HPGDS: variants seen among roughly 807,000 people sequenced by gnomAD.
The protein encoded by HPGDS is hematopoietic prostaglandin D synthase, also known as GST class-sigma.
In HPGDS, 26 loss-of-function variants were observed where a neutral mutation model predicts 23.1. The ratio of observed to expected loss-of-function variants is 1.13; its 90% CI spans 0.83 to 1.56. The LOEUF (loss-of-function observed/expected upper bound fraction) is 1.56, where lower values mean the gene tolerates loss of function less well. HPGDS is among the 40% of genes most tolerant of loss of function. HPGDS has a pLI of 0.00. For missense variants in HPGDS, 268 were observed against 236.4 expected, an observed-to-expected ratio of 1.13 and a Z score of -0.88; for synonymous variants, 95 against 77.9, an observed-to-expected ratio of 1.22 and a Z score of -1.16.
At position 94,298,568 on chromosome 4, in the gene HPGDS, A is replaced by AC. The variant is rs1406419313; in HGVS notation, c.*911_*912insG. On this transcript the variant is annotated 3_prime_UTR_variant, in exon 6 of 6. Coordinates refer to ENST00000295256, the MANE Select transcript of HPGDS (RefSeq NM_014485.3). ...GTGGGCTGAGTCCGAAAAGAGAGTCAGCCGAGTTTTATGAGTTCTATATAA... is the reference window on the plus strand; with the variant it reads ...GTGGGCTGAGTCCGAAAAGAGAGTCACGCCGAGTTTTATGAGTTCTATATAA... The AC allele has an allele frequency of 2.6e-5, 4 of 152,250 alleles. No homozygotes were observed. Among genetic ancestry groups the AC allele is most frequent in the African/African-American group, 9.6e-5 (4 of 41,466 alleles). The allele number at this position is 152,250 out of a possible 1,614,324, so 9.4% of individuals were successfully genotyped here.
At chr4:94,303,260 A>G (rs1024046159) in intron 4 of HPGDS, among the ~76,000 whole-genome samples, 1 of 152,148 alleles carries the variant, frequency 6.6e-6, no homozygotes, top group Admixed American at 6.5e-5. Flanking sequence ...TCCCTAGTCC[A>G]AAAATCCAAA....
intron 3 of HPGDS, among the ~76,000 whole-genome samples, chr4:94,310,567 G>T: frequency 6.6e-6 from 1 of 152,250 alleles, no homozygotes; most frequent in East Asian, 1.9e-4. Flanking sequence ...GTCGGGTAGC[G>T]TGATGCTTCC....
chr4:94,305,389 A>G (rs375060790), intron 4 of HPGDS, among the ~76,000 whole-genome samples: 1 of 152,036 alleles, frequency 6.6e-6, no homozygotes, highest in Non-Finnish European at 1.5e-5. Flanking sequence ...GGCAGACCCT[A>G]CACACCTTAC....
intron 1 of HPGDS, among the ~76,000 whole-genome samples, chr4:94,336,995 C>T (rs1168966129): frequency 6.6e-6 from 1 of 152,132 alleles, no homozygotes; most frequent in Non-Finnish European, 1.5e-5. Context: ...AGCACAGTCT[C>T]ACTCTGTCCC....
chr4:94,339,745 CA>C (rs1195713110), intron 1 of HPGDS, among the ~76,000 whole-genome samples: 1 of 151,904 alleles, frequency 6.6e-6, no homozygotes, highest in African/African-American at 2.4e-5. Flanking sequence ...GCTATATCCC[CA>C]CCAGAATCTC....
chr4:94,320,512 G>C (rs926922375), intron 2 of HPGDS, among the ~76,000 whole-genome samples: 1 of 152,190 alleles, frequency 6.6e-6, no homozygotes, highest in African/African-American at 2.4e-5. Flanking sequence ...GTGATGACCA[G>C]TGATGACGAG....
At chr4:94,307,075 T>C (rs528141319) in intron 4 of HPGDS, among the ~76,000 whole-genome samples, 1 of 152,150 alleles carries the variant, frequency 6.6e-6, no homozygotes, top group East Asian at 1.9e-4. Context: ...AGGTCAGTAA[T>C]TACATTGAAT....
At chr4:94,316,392 G>A (rs189961658) in intron 3 of HPGDS, among the ~76,000 whole-genome samples, 4 of 152,054 alleles carry the variant, frequency 2.6e-5, no homozygotes, top group Admixed American at 1.3e-4. Context: ...CAAATTTTTC[G>A]TATTTTTCTT....
chr4:94,304,867 A>T (rs1323378849), intron 4 of HPGDS, among the ~76,000 whole-genome samples: 2 of 152,058 alleles, frequency 1.3e-5, no homozygotes, highest in African/African-American at 4.8e-5. Flanking sequence ...GGTCTCTGTT[A>T]TGGAGCCTCA....
At chr4:94,324,215 G>A (rs2126042570) in intron 2 of HPGDS, among the ~76,000 whole-genome samples, 1 of 152,200 alleles carries the variant, frequency 6.6e-6, no homozygotes, top group East Asian at 1.9e-4. Flanking sequence ...TTTCAACCTT[G>A]GTGAATCTGA....
Position 94,299,246 on chromosome 4 carries a change from A to G in HPGDS, c.*234T>C. 2.3e-6 allele frequency: 1 copy of G among 429,262 alleles called. No individual in the cohort carries two copies. The highest frequency in any genetic ancestry group is 4.2e-6 in the Non-Finnish European group (1 of 240,618). The allele number at this position is 429,262 out of a possible 1,614,324, so 26.6% of individuals were successfully genotyped here. A position where few individuals can be genotyped will look rare whatever the true frequency, so the allele number is the denominator to read the frequency against. On this transcript the variant is annotated 3_prime_UTR_variant, in exon 6 of 6. Coordinates refer to ENST00000295256, the MANE Select transcript of HPGDS (RefSeq NM_014485.3). ...CCTGTGCAAAGCAAGGTCTGCCTGT[A>G]TTACATACTATTTTTCTGTAATTGT...
chr4:94,324,748 A>G (rs908708861), intron 2 of HPGDS, among the ~76,000 whole-genome samples: 3 of 152,192 alleles, frequency 2.0e-5, no homozygotes, highest in African/African-American at 7.2e-5. Context: ...GACCTTCTGA[A>G]GCCTACTTAT....
chr4:94,311,191 G>A (rs971522888), intron 3 of HPGDS, among the ~76,000 whole-genome samples: 1 of 152,172 alleles, frequency 6.6e-6, no homozygotes, highest in African/African-American at 2.4e-5. Flanking sequence ...GGAGTGGTGT[G>A]AGAGGGCATC....
chr4:94,313,957 T>G (rs1756337299), intron 3 of HPGDS, among the ~76,000 whole-genome samples: 1 of 152,232 alleles, frequency 6.6e-6, no homozygotes, highest in Non-Finnish European at 1.5e-5. Flanking sequence ...GCATTCATCA[T>G]GTAGTTCTCG....
intron 2 of HPGDS, among the ~76,000 whole-genome samples, chr4:94,320,020 T>A (rs954574965): frequency 3.3e-5 from 5 of 152,224 alleles, no homozygotes; most frequent in Non-Finnish European, 7.3e-5. Flanking sequence ...TGTTTGGTTT[T>A]CTGTCCTTGA....
chr4:94,339,667 G>T (rs1177281426), intron 1 of HPGDS, among the ~76,000 whole-genome samples: 1 of 151,918 alleles, frequency 6.6e-6, no homozygotes, highest in African/African-American at 2.4e-5. Flanking sequence ...ACTATCTTGG[G>T]TACTTCCTTT....
chr4:94,334,640 T>A lies in HPGDS; in HGVS notation c.-9-2A>T. The A allele has an allele frequency of 6.2e-7, 1 of 1,601,540 alleles. No individual in the cohort carries two copies. Among genetic ancestry groups the A allele is most frequent in the Admixed American group, 1.8e-5 (1 of 56,384 alleles). On this transcript the variant is annotated splice_acceptor_variant, in intron 1 of 5. Coordinates refer to ENST00000295256, the MANE Select transcript of HPGDS (RefSeq NM_014485.3). LOFTEE classifies it low-confidence loss of function (5UTR_SPLICE). ...TTTGTAGTTTGGCATGGTGCAATTC[T>A]GGAAAAAGAAAAAGGGAGGGATTAT...
At chr4:94,303,431 C>G (rs930517715) in intron 4 of HPGDS, among the ~76,000 whole-genome samples, 4 of 152,136 alleles carry the variant, frequency 2.6e-5, no homozygotes, top group African/African-American at 9.7e-5. Context: ...TGAAATACTT[C>G]TGGTCCCAAG....
At chr4:94,314,990 G>A (rs183509609) in intron 3 of HPGDS, among the ~76,000 whole-genome samples, 29 of 152,302 alleles carry the variant, frequency 1.9e-4, no homozygotes, top group Middle Eastern at 3.4e-3. Flanking sequence ...TGTCGGAAAC[G>A]CGCAGTGTTA....
Sources: allele counts gnomAD v4.1 joint callset (sites outside exome capture counted in the v4.1 genomes callset), GRCh38; gene constraint gnomAD v4.1.1; transcripts MANE v1.5; gene names NCBI Gene and HGNC (gene_info 2026-07-23, HGNC 2026-07-21).